Variants in WDFY3 observed in about 807,000 individuals in gnomAD.
WDFY3 encodes the protein WD repeat and FYVE domain-containing protein 3.
A neutral mutation model predicts 409.6 loss-of-function variants in WDFY3; 66 were observed. The ratio of observed to expected loss-of-function variants is 0.16; its 90% CI spans 0.13 to 0.20. The LOEUF (loss-of-function observed/expected upper bound fraction) is 0.20, where lower values mean the gene tolerates loss of function less well. Ranked by LOEUF, WDFY3 falls within the 10% of genes least tolerant of loss-of-function variation. WDFY3 has a pLI of 1.00. For missense variants in WDFY3, 3,031 were observed against 4,298.1 expected, an observed-to-expected ratio of 0.71 and a Z score of 8.24; for synonymous variants, 1,521 against 1,537.1, an observed-to-expected ratio of 0.99 and a Z score of 0.25.
At position 84,772,936 on chromosome 4, in the gene WDFY3, A is replaced by G. The variant is rs915851574; in HGVS notation, c.4755-7T>C. Reference sequence around the variant, plus strand: ...AGAAATAAACTGCCCAAATCTTTAAACAAAGGAAAACAAGATTATGGATTT... The same window carrying G: ...AGAAATAAACTGCCCAAATCTTTAAGCAAAGGAAAACAAGATTATGGATTT... On this transcript the variant is annotated splice_polypyrimidine_tract_variant and splice_region_variant and intron_variant, in intron 29 of 67. Coordinates refer to ENST00000295888, the MANE Select transcript of WDFY3 (RefSeq NM_014991.6). 1 of 1,584,042 alleles carries G rather than the reference A, an allele frequency of 6.3e-7. No homozygotes were observed.
chr4:84,800,429 G>A (rs539951087), intron 17 of WDFY3, among the ~76,000 whole-genome samples: 191 of 152,214 alleles, frequency 1.3e-3, no homozygotes, highest in Non-Finnish European at 2.5e-3. Flanking sequence ...AATCATTCAA[G>A]AAATACACAT....
intron 13 of WDFY3, 31 bp downstream of exon 13, chr4:84,817,361 A>G: frequency 6.2e-7 from 1 of 1,610,598 alleles, no homozygotes. Context: ...TTTTAGTAGT[A>G]AAAGAAGGGA....
Position 84,751,610 on chromosome 4 carries a change from G to A in WDFY3, c.5846C>T (p.Thr1949Ile). 6.2e-7 allele frequency: 1 copy of A among 1,614,072 alleles called. No individual in the cohort carries two copies. Among genetic ancestry groups the A allele is most frequent in the South Asian group, 1.1e-5 (1 of 91,082 alleles). The change falls in exon 36 of 68, where the codon ACC becomes ATC. Residue 1949 changes from threonine (T) to isoleucine (I), a missense_variant. This residue lies in a region of WDFY3 where 314 missense variants were observed against 397.4 expected (regional missense o/e 0.79). Transcript: ENST00000295888. The stretch of plus-strand genomic sequence containing the variant: ...CGGGTGATTGGTCAGATATGTCTTG[G>A]TGCCCACATTGCAGTACTCTGATTG... ...RSQSEYCNVG[T>I]KTYLTNHPAK...
At chr4:84,936,813 C>G (rs1401552927) in intron 1 of WDFY3, among the ~76,000 whole-genome samples, 1 of 151,982 alleles carries the variant, frequency 6.6e-6, no homozygotes, top group African/African-American at 2.4e-5. Context: ...TTTACCTCCC[C>G]ACCTGAATCT....
Position 84,753,800 on chromosome 4 carries a change from T to A in WDFY3, c.5636A>T (p.Tyr1879Phe), listed in dbSNP as rs2149311520. 1 of 1,612,028 alleles carries A rather than the reference T, an allele frequency of 6.2e-7. No homozygotes were observed. Among genetic ancestry groups the A allele is most frequent in the African/African-American group, 1.3e-5 (1 of 74,924 alleles). ...GGAGGCAAGGTCTGGCACGTTGTGA[T>A]ACAAATATCTGAAGAACTGCATCAG... ...VTLMQFFRYL[Y>F]HNVPDLASMW... is the part of the protein sequence containing the mutation. Residue 1879 changes from tyrosine to phenylalanine, a missense_variant, in exon 35 of 68, where the codon TAT (tyrosine) becomes TTT (phenylalanine). Around this residue, in one of 16 missense-constraint regions of WDFY3, gnomAD observed 342 missense variants for 463.7 expected, o/e 0.74. Transcript: ENST00000295888.
At chr4:84,754,028 A>G in intron 34 of WDFY3, 152 bp from the exon 35 acceptor site, 2 of 783,570 alleles carry the variant, frequency 2.6e-6, no homozygotes, top group Non-Finnish European at 3.5e-6. Context: ...ACACACATGT[A>G]TACACACATG....
intron 2 of WDFY3, among the ~76,000 whole-genome samples, chr4:84,903,009 G>T (rs1180209867): frequency 6.6e-6 from 1 of 152,174 alleles, no homozygotes; most frequent in African/African-American, 2.4e-5. Flanking sequence ...AAATTATGTT[G>T]TTGAATGAAG....
chr4:84,816,403 T>C (rs568550610), intron 13 of WDFY3, among the ~76,000 whole-genome samples: 3 of 152,218 alleles, frequency 2.0e-5, no homozygotes, highest in South Asian at 2.1e-4. Context: ...GACAGACATA[T>C]AGAACTTGGG....
At chr4:84,834,614 G>A (rs1182687624) in intron 7 of WDFY3, among the ~76,000 whole-genome samples, 1 of 152,052 alleles carries the variant, frequency 6.6e-6, no homozygotes. Context: ...TCGCACCACC[G>A]CACTCCGGCC....
chr4:84,808,136 AAC>A (rs568244695), intron 15 of WDFY3, among the ~76,000 whole-genome samples, 196 bp downstream of exon 15: 81 of 152,226 alleles, frequency 5.3e-4, no homozygotes, highest in African/African-American at 1.9e-3. Flanking sequence ...TCATAGCATC[AAC>A]ACATTTTACT....
chr4:84,820,011 G>A, intron 12 of WDFY3, 74 bp downstream of exon 12: 2 of 1,292,690 alleles, frequency 1.5e-6, no homozygotes, highest in Non-Finnish European at 1.1e-6. Flanking sequence ...GAAGATTTCA[G>A]AAGCAAGAAT....
intron 1 of WDFY3, among the ~76,000 whole-genome samples, chr4:84,946,626 T>C (rs993253547): frequency 3.3e-5 from 5 of 152,074 alleles, no homozygotes; most frequent in Non-Finnish European, 7.4e-5. Context: ...GTGGTTAAGC[T>C]ACCAAAGAGT....
chr4:84,768,789 T>C (rs914108681), intron 30 of WDFY3, among the ~76,000 whole-genome samples: 1 of 152,190 alleles, frequency 6.6e-6, no homozygotes, highest in Non-Finnish European at 1.5e-5. Context: ...CTTCAAAGTT[T>C]TATTATTTAA....
intron 62 of WDFY3, chr4:84,687,652 T>C (rs1728554530): frequency 6.5e-6 from 1 of 152,738 alleles, no homozygotes; most frequent in South Asian, 2.1e-4. Flanking sequence ...GTAGTAACTT[T>C]TATAAAATGA....
chr4:84,925,221 T>G (rs1307759450), intron 2 of WDFY3, among the ~76,000 whole-genome samples: 1 of 152,194 alleles, frequency 6.6e-6, no homozygotes, highest in Non-Finnish European at 1.5e-5. Flanking sequence ...TTTTTCCAAT[T>G]TCTACTCTAT....
chr4:84,738,835 T>C (rs1737917596), intron 40 of WDFY3, among the ~76,000 whole-genome samples, 175 bp downstream of exon 40: 2 of 152,214 alleles, frequency 1.3e-5, no homozygotes, highest in Non-Finnish European at 1.5e-5. Context: ...CTTAGCAATA[T>C]TACTGGTTAG....
chr4:84,684,221 G>T, intron 62 of WDFY3, 96 bp from the exon 63 acceptor site: 1 of 1,268,914 alleles, frequency 7.9e-7, no homozygotes, highest in Non-Finnish European at 1.0e-6. Flanking sequence ...TTCTCAGAAA[G>T]CCTTTCAGTC....
chr4:84,727,710 C>A (rs1735895532), intron 44 of WDFY3, among the ~76,000 whole-genome samples: 1 of 152,142 alleles, frequency 6.6e-6, no homozygotes, highest in Non-Finnish European at 1.5e-5. Context: ...TGGTTTATAT[C>A]TGGTGATGAC....
At chr4:84,949,923 A>G (rs1269358397) in intron 1 of WDFY3, among the ~76,000 whole-genome samples, 1 of 152,234 alleles carries the variant, frequency 6.6e-6, no homozygotes, top group Non-Finnish European at 1.5e-5. Flanking sequence ...GAAGCCAATG[A>G]CATCTCAAAA....
Sources: gnomAD v4.1 joint callset for allele counts (sites outside exome capture counted in the v4.1 genomes callset) on GRCh38, gnomAD v4.1.1 for gene constraint, gnomAD v4.1.1 regional missense constraint, MANE v1.5 for transcripts, NCBI Gene and HGNC (gene_info 2026-07-23, HGNC 2026-07-21) for gene names.